GALNT10: variants seen among roughly 807,000 people sequenced by gnomAD.
GALNT10 encodes the protein polypeptide N-acetylgalactosaminyltransferase 10, also known as GalNAc transferase 10.
In GALNT10, 41 loss-of-function variants were observed where a neutral mutation model predicts 75.0. That is an observed-to-expected ratio of 0.55 (90% confidence interval 0.43 to 0.71). GALNT10 has a LOEUF of 0.71. Ranked by LOEUF, GALNT10 falls within the 30% of genes least tolerant of loss-of-function variation. The pLI, the probability that GALNT10 is intolerant of heterozygous loss-of-function variation, is 0.00. For missense variants in GALNT10, 727 were observed against 818.5 expected, an observed-to-expected ratio of 0.89 and a Z score of 1.36; for synonymous variants, 302 against 313.0, an observed-to-expected ratio of 0.96 and a Z score of 0.37.
At chr5:154,379,312 A>G (rs1582000344) in intron 5 of GALNT10, among the ~76,000 whole-genome samples, 1 of 152,338 alleles carries the variant, frequency 6.6e-6, no homozygotes, top group Admixed American at 6.5e-5. Flanking sequence ...TTGGTTCATT[A>G]CAAATGCACT....
intron 3 of GALNT10, among the ~76,000 whole-genome samples, chr5:154,321,811 C>A (rs1467395978): frequency 6.6e-6 from 1 of 152,162 alleles, no homozygotes; most frequent in Non-Finnish European, 1.5e-5. Flanking sequence ...CTAGACAGCA[C>A]CTGCCCCCTA....
intron 1 of GALNT10, among the ~76,000 whole-genome samples, chr5:154,213,417 C>G (rs1752807555): frequency 6.6e-6 from 1 of 152,160 alleles, no homozygotes; most frequent in Non-Finnish European, 1.5e-5. Flanking sequence ...TGAGGGATGC[C>G]TGGCCATTCC....
chr5:154,260,912 G>A (rs2434532), intron 1 of GALNT10, among the ~76,000 whole-genome samples: 37,206 of 152,116 alleles, frequency 0.24, 5,537 homozygotes, highest in African/African-American at 0.42. Context: ...ATCTAATGCA[G>A]TGTCACGTTA....
chr5:154,349,047 C>T (rs1467819010), intron 4 of GALNT10, among the ~76,000 whole-genome samples: 1 of 152,018 alleles, frequency 6.6e-6, no homozygotes, highest in Non-Finnish European at 1.5e-5. Context: ...AAGGCTCTCA[C>T]TTGAGGTTAG....
chr5:154,290,258 ATTTT>A (rs71577131), intron 1 of GALNT10, among the ~76,000 whole-genome samples: 1,002 of 98,880 alleles, frequency 0.01, 7 homozygotes, highest in African/African-American at 0.039. Flanking sequence ...CACTCAGCTA[ATTTT>A]TTTTTTTTTT....
chr5:154,276,198 T>C (rs764236170), intron 1 of GALNT10, among the ~76,000 whole-genome samples: 1 of 152,164 alleles, frequency 6.6e-6, no homozygotes, highest in African/African-American at 2.4e-5. Context: ...GGCTCTTATC[T>C]GGAGGCTCTG....
intron 1 of GALNT10, among the ~76,000 whole-genome samples, chr5:154,239,624 A>G (rs1753301674): frequency 1.3e-5 from 2 of 152,302 alleles, no homozygotes; most frequent in South Asian, 4.1e-4. Context: ...TGTGCCAAAA[A>G]GATTGGGGGA....
intron 4 of GALNT10, 49 bp downstream of exon 4, chr5:154,329,787 A>G: frequency 7.1e-7 from 1 of 1,418,298 alleles, no homozygotes; most frequent in Non-Finnish European, 9.9e-7. Flanking sequence ...TCATCTGGCG[A>G]CTCACCAAAG....
At chr5:154,212,741 G>A (rs1389510668) in intron 1 of GALNT10, among the ~76,000 whole-genome samples, 1 of 152,168 alleles carries the variant, frequency 6.6e-6, no homozygotes, top group African/African-American at 2.4e-5. Flanking sequence ...GGCCGAGGCG[G>A]GCAGATCACA....
chr5:154,225,557 A>ATT (rs1346110287), intron 1 of GALNT10, among the ~76,000 whole-genome samples: 1 of 147,802 alleles, frequency 6.8e-6, no homozygotes, highest in Non-Finnish European at 1.5e-5. Context: ...CACTTGGCTA[A>ATT]TTTTTTTTTT....
At chr5:154,373,444 C>T (rs1022223931) in intron 4 of GALNT10, among the ~76,000 whole-genome samples, 1 of 152,174 alleles carries the variant, frequency 6.6e-6, no homozygotes, top group African/African-American at 2.4e-5. Context: ...GAATCTTAGA[C>T]CTTGGCATCA....
intron 1 of GALNT10, among the ~76,000 whole-genome samples, chr5:154,245,284 C>T (rs757704339): frequency 6.6e-5 from 10 of 152,160 alleles, no homozygotes; most frequent in African/African-American, 9.7e-5. Context: ...GGTCACCAGT[C>T]GGATACGGGG....
chr5:154,276,557 G>A (rs1753956992), intron 1 of GALNT10, among the ~76,000 whole-genome samples: 1 of 152,214 alleles, frequency 6.6e-6, no homozygotes, highest in African/African-American at 2.4e-5. Flanking sequence ...ACTCAAAGGG[G>A]AGGGGATTAT....
rs1554102724 is a variant in GALNT10, at chr5:154,416,475, G to GCACACA, written c.1654-335_1654-334insCACACA. The stretch of plus-strand genomic sequence containing the variant: ...TAAAAAAATAAAAGATAAAAGGAAA[G>GCACACA]CACATACACACACACACACACACAC... On this transcript the variant is annotated intron_variant, in intron 11 of 11. Transcript: ENST00000297107. This position sits in a 1 kb window ranked among gnomAD's most constrained non-coding sequence, Gnocchi z 4.5. Among the ~76,000 whole-genome samples the GCACACA allele has an allele frequency of 7.5e-5, 3 of 40,252 alleles. No homozygotes were observed. Among genetic ancestry groups the GCACACA allele is most frequent in the African/African-American group, 2.8e-4 (2 of 7,252 alleles). The allele number at this position is 40,252 out of a possible 152,430, so 26.4% of individuals were successfully genotyped here.
At chr5:154,358,858 C>T (rs1581991049) in intron 4 of GALNT10, among the ~76,000 whole-genome samples, 1 of 152,212 alleles carries the variant, frequency 6.6e-6, no homozygotes, top group Admixed American at 6.5e-5. Flanking sequence ...ACTCTCCCCA[C>T]TGATCATGGC....
intron 1 of GALNT10, among the ~76,000 whole-genome samples, chr5:154,214,760 A>G (rs1417763841): frequency 1.3e-5 from 2 of 152,168 alleles, no homozygotes; most frequent in Non-Finnish European, 2.9e-5. Context: ...CTCATTATGA[A>G]ACTGTACTTT....
At chr5:154,223,877 G>A (rs530064771) in intron 1 of GALNT10, among the ~76,000 whole-genome samples, 7 of 151,242 alleles carry the variant, frequency 4.6e-5, no homozygotes, top group South Asian at 2.1e-4. Flanking sequence ...CTGAGATCGC[G>A]TCACTGCACT....
At chr5:154,275,499 T>G (rs1250568609) in intron 1 of GALNT10, among the ~76,000 whole-genome samples, 2 of 152,200 alleles carry the variant, frequency 1.3e-5, no homozygotes, top group Non-Finnish European at 2.9e-5. Context: ...TATTGGTGCT[T>G]AACAAATTGC....
intron 7 of GALNT10, among the ~76,000 whole-genome samples, chr5:154,390,699 C>T (rs1755881215): frequency 6.6e-6 from 1 of 152,126 alleles, no homozygotes; most frequent in African/African-American, 2.4e-5. Context: ...TCTAGAAGAC[C>T]CTCTTCAGAA....
Sources: gnomAD v4.1 joint callset for allele counts (sites outside exome capture counted in the v4.1 genomes callset) on GRCh38, gnomAD v4.1.1 for gene constraint, Gnocchi (gnomAD v3.1) non-coding constraint, MANE v1.5 for transcripts, NCBI Gene and HGNC (gene_info 2026-07-23, HGNC 2026-07-21) for gene names.